The following TUBB variants were observed in gnomAD, a reference collection of about 807,000 sequenced individuals.
The protein encoded by TUBB is tubulin beta class I.
TUBB carries 2 observed loss-of-function variants against 35.1 expected under a neutral mutation model. That is an observed-to-expected ratio of 0.06 (90% CI 0.02 to 0.18). The LOEUF is 0.18. Among genes scored for constraint, TUBB ranks in the 10% least tolerant of loss-of-function variants. TUBB has a pLI of 1.00. For missense variants in TUBB, 50 were observed against 599.4 expected (o/e 0.08, Z 9.57); for synonymous variants, 205 against 223.8 (o/e 0.92, Z 0.75).
In TUBB at chr6:30,724,815, T is replaced by C. The variant is rs1242975861; in HGVS notation, c.*418T>C. 2 of 182,280 alleles carry C rather than the reference T, an allele frequency of 1.1e-5. No homozygotes were observed. Among genetic ancestry groups the C allele is most frequent in the Non-Finnish European group, 2.3e-5 (2 of 88,196 alleles). The allele number at this position is 182,280 out of a possible 1,614,324, so 11.3% of individuals were successfully genotyped here. A position where few individuals can be genotyped will look rare whatever the true frequency, so the allele number is the denominator to read the frequency against. On this transcript the variant is annotated 3_prime_UTR_variant, in exon 4 of 4. Transcript: ENST00000327892. This position sits in a 1 kb window ranked among gnomAD's most constrained non-coding sequence, Gnocchi z 4.4. ...GTAGAAGGTAGTGGGTAGAAGTCACTATATAAGGAAGGGGATGGGATTTTC... is the reference window on the plus strand; with the variant it reads ...GTAGAAGGTAGTGGGTAGAAGTCACCATATAAGGAAGGGGATGGGATTTTC...
rs200228846 is a variant in TUBB at position 30,720,579 on chromosome 6, C to G, written c.57+16C>G. On this transcript the variant is annotated intron_variant, in intron 1 of 3. Transcript: ENST00000327892. ...CGGTGCCAAGGTAAGAATTTTACAC[C>G]TCTTTTATTTCTTTTTACAAGGAAA... 2 of 1,604,138 alleles carry G rather than the reference C, an allele frequency of 1.2e-6. No homozygotes were observed. Among genetic ancestry groups the G allele is most frequent in the Non-Finnish European group, 1.7e-6 (2 of 1,175,822 alleles).
intron 1 of TUBB, chr6:30,721,731 G>C: frequency 1.0e-6 from 1 of 985,320 alleles, no homozygotes. Flanking sequence ...ACCTCCATCC[G>C]CCCACCGAGC....
At chr6:30,720,618 T>A in intron 1 of TUBB, 55 bp downstream of exon 1, 1 of 1,554,224 alleles carries the variant, frequency 6.4e-7, no homozygotes, top group Admixed American at 1.9e-5. Flanking sequence ...CCAGGTAAGT[T>A]ATGAAAAAAT....
chr6:30,722,356 T>C (rs1776338055), intron 1 of TUBB, 181 bp from the exon 2 acceptor site: 1 of 581,590 alleles, frequency 1.7e-6, no homozygotes, highest in Non-Finnish European at 3.1e-6. Flanking sequence ...GGCAGGAGAA[T>C]CGCTTGAACC....
chr6:30,721,576 C>G (rs947627026), intron 1 of TUBB: 2 of 985,200 alleles, frequency 2.0e-6, no homozygotes, highest in Non-Finnish European at 2.4e-6. Flanking sequence ...TCGACCTGCG[C>G]GTGCGCCGCA....
Position 30,723,473 on chromosome 6 carries a change from C to G in TUBB, c.411C>G (p.His137Gln). 6.2e-7 allele frequency: 1 copy of G among 1,614,218 alleles called. No individual in the cohort carries two copies. Among genetic ancestry groups the G allele is most frequent in the Non-Finnish European group, 8.5e-7 (1 of 1,180,038 alleles). ...CDCLQGFQLTHSLGGGTGSGM... is the reference protein window; with the variant it reads ...CDCLQGFQLTQSLGGGTGSGM... ...GCCTGCAGGGCTTCCAGCTGACCCA[C>G]TCACTGGGCGGGGGCACAGGCTCTG... The change falls in exon 4 of 4, where the codon CAC becomes CAG. Residue 137 changes from histidine (H) to glutamine (Q), a missense_variant. Physicochemically the swap from His to Gln is conservative, Grantham distance 24. Coordinates refer to ENST00000327892, the MANE Select transcript of TUBB (RefSeq NM_178014.4).
At position 30,722,725 on chromosome 6, in the gene TUBB, G is replaced by A; in HGVS notation, c.166+80G>A. The A allele has an allele frequency of 6.8e-6, 9 of 1,320,542 alleles. No individual in the cohort carries two copies. In the South Asian group the frequency reaches 7.4e-5, roughly 11 times the overall value. The allele number at this position is 1,320,542 out of a possible 1,614,324, so 81.8% of individuals were successfully genotyped here. ...GGGATCTCTTTCCATTTCTGGGCAC[G>A]CCTTATCCCCTTTGGGTGAATCTGT... is the stretch of plus-strand genomic sequence containing the variant. On this transcript the variant is annotated intron_variant, in intron 2 of 3. Transcript: ENST00000327892.
At chr6:30,722,695 TATCTGGG>T (rs2127748075) in intron 2 of TUBB, 50 bp downstream of exon 2, 1 of 1,463,730 alleles carries the variant, frequency 6.8e-7, no homozygotes, top group Non-Finnish European at 9.5e-7. Flanking sequence ...GTCTCCCACT[TATCTGGG>T]ATCTCTTTCC....
rs376178869 is a variant in TUBB at position 30,722,693 on chromosome 6, C to G, written c.166+48C>G. On this transcript the variant is annotated intron_variant, in intron 2 of 3. Coordinates refer to ENST00000327892, the MANE Select transcript of TUBB (RefSeq NM_178014.4). ...CTCAGGTTCCCTTCCCTGTCTCCCA[C>G]TTATCTGGGATCTCTTTCCATTTCT... is the stretch of plus-strand genomic sequence containing the variant. 5.0e-5 allele frequency: 73 copies of G among 1,466,876 alleles called. No individual in the cohort carries two copies. The African/African-American group carries it at 8.4e-4, about 17-fold the overall frequency. The allele number at this position is 1,466,876 out of a possible 1,614,324, so 90.9% of individuals were successfully genotyped here. A position where few individuals can be genotyped will look rare whatever the true frequency, so the allele number is the denominator to read the frequency against.
rs1271372349 is a variant in TUBB, at chr6:30,722,611, G to A, written c.132G>A (p.Leu44=). 1 of 1,614,114 alleles carries A rather than the reference G, an allele frequency of 6.2e-7. No homozygotes were observed. Among genetic ancestry groups the A allele is most frequent in the Admixed American group, 1.7e-5 (1 of 60,018 alleles). Residue 44 remains leucine, a synonymous_variant, in exon 2 of 4, where the codon CTG becomes CTA. Coordinates refer to ENST00000327892, the MANE Select transcript of TUBB (RefSeq NM_178014.4). The part of the protein sequence containing the change: ...GTYHGDSDLQ[L]DRISVYYNEA... ...ACCACGGGGACAGCGACCTGCAGCT[G>A]GACCGCATCTCTGTGTACTACAATG...
intron 1 of TUBB, 110 bp downstream of exon 1, chr6:30,720,673 C>T (rs929408830): frequency 6.3e-6 from 6 of 945,328 alleles, no homozygotes; most frequent in Non-Finnish European, 8.1e-6. Context: ...AAGATTTGCC[C>T]CTCTCAAGTT....
chr6:30,721,903 G>T, intron 1 of TUBB: 1 of 985,676 alleles, frequency 1.0e-6, no homozygotes, highest in Non-Finnish European at 1.2e-6. Flanking sequence ...GCCGAGGTGG[G>T]CGAATTGGGA....
chr6:30,722,759 C>T (rs1432708806), intron 2 of TUBB, 114 bp downstream of exon 2: 16 of 1,164,836 alleles, frequency 1.4e-5, no homozygotes, highest in East Asian at 2.5e-5. Context: ...GTCATTTTGT[C>T]CCTTTCGTGA....
At chr6:30,720,709 G>A in intron 1 of TUBB, 146 bp downstream of exon 1, 3 of 698,892 alleles carry the variant, frequency 4.3e-6, no homozygotes, top group Non-Finnish European at 7.1e-6. Context: ...TATAACAATT[G>A]TAGCTAGCAT....
At chr6:30,722,740 G>A (rs540462228) in intron 2 of TUBB, 95 bp downstream of exon 2, 2 of 1,224,492 alleles carry the variant, frequency 1.6e-6, no homozygotes, top group African/African-American at 1.5e-5. Context: ...ATCCCCTTTG[G>A]GTGAATCTGT....
chr6:30,721,887 TGTGGGGCCGAG>T (rs1225487509), intron 1 of TUBB: 1 of 984,804 alleles, frequency 1.0e-6, no homozygotes, highest in African/African-American at 1.8e-5. Flanking sequence ...AAATGGGAGA[TGTGGGGCCGAG>T]GTGGGCGAAT....
At chr6:30,723,059 T>G in intron 3 of TUBB, 31 bp downstream of exon 3, 1 of 1,539,336 alleles carries the variant, frequency 6.5e-7, no homozygotes. Context: ...TAGCAGATGA[T>G]ATACCATCGT....
rs140428951 is a variant in TUBB, at chr6:30,723,626, C to G, written c.564C>G (p.Ser188=). ...TCGAGCCCTACAATGCCACCCTCTC[C>G]GTCCATCAGTTGGTAGAGAATACTG... ...TVVEPYNATL[S]VHQLVENTDE... Residue 188 remains serine, a synonymous_variant, in exon 4 of 4, where the codon TCC becomes TCG. Coordinates refer to ENST00000327892, the MANE Select transcript of TUBB (RefSeq NM_178014.4). 7.4e-6 allele frequency: 12 copies of G among 1,614,110 alleles called. No homozygotes were observed. The highest frequency in any genetic ancestry group is 9.3e-6 in the Non-Finnish European group (11 of 1,180,052).
chr6:30,722,603 C>T lies in TUBB; in HGVS notation c.124C>T (p.Leu42=), dbSNP rs1409959059. The T allele has an allele frequency of 1.9e-6, 3 of 1,614,026 alleles. No individual in the cohort carries two copies. Among genetic ancestry groups the T allele is most frequent in the African/African-American group, 1.3e-5 (1 of 74,928 alleles). Residue 42 remains leucine (L), a synonymous_variant, in exon 2 of 4, where the codon CTG becomes TTG. Coordinates refer to ENST00000327892, the MANE Select transcript of TUBB (RefSeq NM_178014.4). ...PTGTYHGDSD[L]QLDRISVYYN... Reference sequence around the variant, plus strand: ...CGGCACCTACCACGGGGACAGCGACCTGCAGCTGGACCGCATCTCTGTGTA... The same window carrying T: ...CGGCACCTACCACGGGGACAGCGACTTGCAGCTGGACCGCATCTCTGTGTA...
Sources: allele counts gnomAD v4.1 joint callset, GRCh38; gene constraint gnomAD v4.1.1; non-coding constraint Gnocchi (gnomAD v3.1); transcripts MANE v1.5; gene names NCBI Gene and HGNC (gene_info 2026-07-23, HGNC 2026-07-21).